The following MEOX2 variants were observed in gnomAD, a reference collection of about 807,000 sequenced individuals.
The protein encoded by MEOX2 is homeobox protein MOX-2.
MEOX2 carries 11 observed loss-of-function variants against 27.0 expected under a neutral mutation model. The ratio of observed to expected loss-of-function variants is 0.41; its 90% CI spans 0.26 to 0.68. MEOX2 has a LOEUF of 0.68. Among genes scored for constraint, MEOX2 ranks in the 30% least tolerant of loss-of-function variants. The pLI is 0.33. For missense variants in MEOX2, 436 were observed against 385.4 expected (o/e 1.13, Z -1.10); for synonymous variants, 189 against 155.4 (o/e 1.22, Z -1.61).
chr7:15,686,322 G>C lies in MEOX2; in HGVS notation c.81C>G (p.Leu27=). The C allele has an allele frequency of 6.2e-7, 1 of 1,606,872 alleles. No individual in the cohort carries two copies. Reference sequence around the variant, plus strand: ...TATGGTCAGATCTTCCATGGAGGGCGAGAGAGGATTGGGAGAACGGGTGCA... The same window carrying C: ...TATGGTCAGATCTTCCATGGAGGGCCAGAGAGGATTGGGAGAACGGGTGCA... The part of the protein sequence containing the change: ...QGLHPFSQSS[L]ALHGRSDHMS... Residue 27 remains leucine (L), a synonymous_variant, in exon 1 of 3, where the codon CTC becomes CTG. Coordinates refer to ENST00000262041, the MANE Select transcript of MEOX2 (RefSeq NM_005924.5).
chr7:15,626,037 G>C (rs1438199099), intron 2 of MEOX2, among the ~76,000 whole-genome samples: 2 of 152,140 alleles, frequency 1.3e-5, no homozygotes, highest in Non-Finnish European at 2.9e-5. Flanking sequence ...ATGTGTCCTT[G>C]CCTTTCATCA....
intron 1 of MEOX2, among the ~76,000 whole-genome samples, chr7:15,665,459 T>C (rs1781985815): frequency 6.6e-6 from 1 of 152,174 alleles, no homozygotes. Context: ...TAGTTTTAAG[T>C]ACAACAGCAC....
intron 1 of MEOX2, chr7:15,677,777 A>G (rs1012857435): frequency 6.6e-6 from 1 of 152,166 alleles, no homozygotes; most frequent in Non-Finnish European, 1.5e-5. Flanking sequence ...TGCCATCATC[A>G]AACTCTCTTC....
intron 1 of MEOX2, among the ~76,000 whole-genome samples, chr7:15,655,573 C>A (rs575728776): frequency 6.6e-6 from 1 of 151,826 alleles, no homozygotes; most frequent in Non-Finnish European, 1.5e-5. Context: ...GTTGTATTTT[C>A]ATTTTCTTGC....
chr7:15,673,569 G>A (rs533104693), intron 1 of MEOX2, among the ~76,000 whole-genome samples: 4 of 75,246 alleles, frequency 5.3e-5, no homozygotes, highest in African/African-American at 2.0e-4. Context: ...TTTTTTTTTA[G>A]ATGAGGAATA....
intron 1 of MEOX2, among the ~76,000 whole-genome samples, chr7:15,635,569 T>A (rs2115366770): frequency 6.6e-6 from 1 of 152,128 alleles, no homozygotes; most frequent in East Asian, 1.9e-4. Flanking sequence ...CACTCAATAA[T>A]CAATTGTAAA....
intron 1 of MEOX2, among the ~76,000 whole-genome samples, chr7:15,642,931 G>A (rs960680766): frequency 5.9e-5 from 9 of 152,116 alleles, no homozygotes; most frequent in Non-Finnish European, 8.8e-5. Context: ...TTGTTTGTAC[G>A]TTGTAGTAGT....
chr7:15,614,036 A>T (rs1196079458), intron 2 of MEOX2, among the ~76,000 whole-genome samples: 1 of 135,238 alleles, frequency 7.4e-6, no homozygotes, highest in South Asian at 2.4e-4. Flanking sequence ...ATTAATTAAT[A>T]TGTTTAAATT....
chr7:15,618,904 A>C (rs1321748075), intron 2 of MEOX2, among the ~76,000 whole-genome samples: 1 of 151,990 alleles, frequency 6.6e-6, no homozygotes, highest in African/African-American at 2.4e-5. Flanking sequence ...ACCGTCAAAA[A>C]TTTAAAAATA....
At chr7:15,663,944 C>T (rs73679875) in intron 1 of MEOX2, among the ~76,000 whole-genome samples, 2,098 of 152,206 alleles carry the variant, frequency 0.014, 49 homozygotes, top group African/African-American at 0.048. Flanking sequence ...TATAGATAGA[C>T]AGACAGATAG....
At chr7:15,672,621 G>C (rs141597727) in intron 1 of MEOX2, among the ~76,000 whole-genome samples, 1 of 152,022 alleles carries the variant, frequency 6.6e-6, no homozygotes, top group Non-Finnish European at 1.5e-5. Flanking sequence ...GGCAGGTCGC[G>C]GTGGCTCACA....
chr7:15,655,625 A>G (rs927414094), intron 1 of MEOX2, among the ~76,000 whole-genome samples: 5 of 151,616 alleles, frequency 3.3e-5, no homozygotes, highest in African/African-American at 1.2e-4. Flanking sequence ...TTCCTTTTTG[A>G]CCCATAATAT....
chr7:15,615,339 T>C (rs1191023930), intron 2 of MEOX2, among the ~76,000 whole-genome samples: 1 of 152,064 alleles, frequency 6.6e-6, no homozygotes, highest in Non-Finnish European at 1.5e-5. Context: ...GTTTGTTTGA[T>C]TCCAGATTCT....
chr7:15,614,001 C>T (rs888084417), intron 2 of MEOX2, among the ~76,000 whole-genome samples: 1 of 151,420 alleles, frequency 6.6e-6, no homozygotes, highest in Admixed American at 6.6e-5. Flanking sequence ...CTTAGAGTGT[C>T]TTTTGATGAT....
Position 15,612,542 on chromosome 7 carries a change from C to G in MEOX2, c.760G>C (p.Ala254Pro), listed in dbSNP as rs749981181. 4 of 1,614,058 alleles carry G rather than the reference C, an allele frequency of 2.5e-6. No homozygotes were observed. In the South Asian group the frequency reaches 3.3e-5, roughly 13 times the overall value. The change falls in exon 3 of 3, where the codon GCT (alanine) becomes CCT (proline). Residue 254 changes from alanine (A) to proline (P), a missense_variant. By Grantham distance (27) the Ala-to-Pro change is conservative (BLOSUM62 -1). Coordinates refer to ENST00000262041, the MANE Select transcript of MEOX2 (RefSeq NM_005924.5). Reference sequence around the variant, plus strand: ...ACATTCACCAGTTCCTTTTCCCGAGCCGCAGCTCCTTGCTGTCCACCCTTT... The same window carrying G: ...ACATTCACCAGTTCCTTTTCCCGAGGCGCAGCTCCTTGCTGTCCACCCTTT... ...RVKGGQQGAAAREKELVNVKK... is the reference protein window; with the variant it reads ...RVKGGQQGAAPREKELVNVKK...
intron 2 of MEOX2, among the ~76,000 whole-genome samples, chr7:15,622,338 C>T (rs930471630): frequency 6.6e-6 from 1 of 151,898 alleles, no homozygotes; most frequent in Non-Finnish European, 1.5e-5. Context: ...TAAAATGAGC[C>T]TATGAGTCCT....
At chr7:15,649,276 G>GTAA (rs1459517881) in intron 1 of MEOX2, among the ~76,000 whole-genome samples, 5 of 152,056 alleles carry the variant, frequency 3.3e-5, no homozygotes, top group Middle Eastern at 3.2e-3. Flanking sequence ...CAAATTGTAA[G>GTAA]TAATATATTA....
chr7:15,618,636 A>G (rs1459801175), intron 2 of MEOX2, among the ~76,000 whole-genome samples: 1 of 151,970 alleles, frequency 6.6e-6, no homozygotes, highest in East Asian at 1.9e-4. Flanking sequence ...GAAGAGTAGA[A>G]TACTGAAATA....
intron 1 of MEOX2, among the ~76,000 whole-genome samples, chr7:15,653,635 C>G (rs1254403630): frequency 6.6e-6 from 1 of 151,872 alleles, no homozygotes; most frequent in Non-Finnish European, 1.5e-5. Flanking sequence ...ATCCATCATT[C>G]CTTTTGATTT....
Sources: allele counts gnomAD v4.1 joint callset (sites outside exome capture counted in the v4.1 genomes callset), GRCh38; gene constraint gnomAD v4.1.1; transcripts MANE v1.5; gene names NCBI Gene and HGNC (gene_info 2026-07-23, HGNC 2026-07-21).